ARK2N: variants seen among roughly 807,000 people sequenced by gnomAD.
ARK2N encodes the protein arkadia (RNF111) N-terminal like PKA signaling regulator 2N, also known as protein ARK2N.
the ARK2N span, chr18:46,218,726 G>A: frequency 6.6e-6 from 1 of 152,196 alleles, no homozygotes; most frequent in Non-Finnish European, 1.5e-5. Context: ...AAGAGAGGAG[G>A]CACGTTCAAC....
At chr18:46,194,597 C>T in the ARK2N span, among the ~76,000 whole-genome samples, 2,634 of 151,386 alleles carry the variant, frequency 0.017, 83 homozygotes, top group African/African-American at 0.06. Context: ...CCTCAGTCTC[C>T]TGAGTAGCTG....
chr18:46,190,519 G>A, the ARK2N span, among the ~76,000 whole-genome samples: 4 of 151,072 alleles, frequency 2.6e-5, no homozygotes, highest in African/African-American at 9.7e-5. Context: ...AACAATTACA[G>A]CTTTTCAAAA....
the ARK2N span, among the ~76,000 whole-genome samples, chr18:46,231,528 GA>G: frequency 7.1e-6 from 1 of 140,112 alleles, no homozygotes; most frequent in Non-Finnish European, 1.5e-5. Context: ...TTAAGCTTGA[GA>G]AAAAATGTCT....
chr18:46,179,241 C>T, the ARK2N span, among the ~76,000 whole-genome samples: 404 of 152,212 alleles, frequency 2.7e-3, 1 homozygote, highest in African/African-American at 9.2e-3. Flanking sequence ...CTGAGCCCAG[C>T]CCAGTGAATA....
At chr18:46,193,705 T>C in the ARK2N span, among the ~76,000 whole-genome samples, 1 of 151,448 alleles carries the variant, frequency 6.6e-6, no homozygotes, top group African/African-American at 2.4e-5. Context: ...TTCAAGCTAT[T>C]CTTGTGTCTC....
chr18:46,245,651 A>AT, the ARK2N span, among the ~76,000 whole-genome samples: 1 of 151,532 alleles, frequency 6.6e-6, no homozygotes, highest in African/African-American at 2.4e-5. Context: ...GTAGTGACTT[A>AT]TTTTTTTATT....
the ARK2N span, among the ~76,000 whole-genome samples, chr18:46,201,502 G>A: frequency 6.6e-6 from 1 of 152,004 alleles, no homozygotes; most frequent in Non-Finnish European, 1.5e-5. Context: ...CTAGGGTGAC[G>A]ATGCTTTCCT....
At chr18:46,191,122 G>C in the ARK2N span, among the ~76,000 whole-genome samples, 1 of 151,898 alleles carries the variant, frequency 6.6e-6, no homozygotes, top group African/African-American at 2.4e-5. Flanking sequence ...CCTCTCATGA[G>C]GGCAGAGTTG....
At chr18:46,211,823 T>G in the ARK2N span, among the ~76,000 whole-genome samples, 2,944 of 152,314 alleles carry the variant, frequency 0.019, 75 homozygotes, top group African/African-American at 0.06. Context: ...CTGTCAACAT[T>G]AACCCAGAGG....
At chr18:46,204,945 T>A in the ARK2N span, among the ~76,000 whole-genome samples, 1,378 of 151,802 alleles carry the variant, frequency 9.1e-3, 19 homozygotes, top group African/African-American at 0.031. Context: ...TTTTTTATTT[T>A]TTTTATTTTT....
chr18:46,221,502 G>A, the ARK2N span, among the ~76,000 whole-genome samples: 1 of 150,180 alleles, frequency 6.7e-6, no homozygotes, highest in Non-Finnish European at 1.5e-5. Context: ...GGATGTTGCA[G>A]TGAGCCGAGG....
the ARK2N span, among the ~76,000 whole-genome samples, chr18:46,224,621 GTTCTTA>G: frequency 0.017 from 2,653 of 152,254 alleles, 72 homozygotes; most frequent in African/African-American, 0.06. Flanking sequence ...AGCCACTCCA[GTTCTTA>G]TTGTTCAGCA....
At chr18:46,178,735 C>T in the ARK2N span, among the ~76,000 whole-genome samples, 1 of 152,008 alleles carries the variant, frequency 6.6e-6, no homozygotes, top group Non-Finnish European at 1.5e-5. Context: ...GGCAACATGG[C>T]AGAACCGTCT....
At chr18:46,231,741 T>G in the ARK2N span, 2 of 152,296 alleles carry the variant, frequency 1.3e-5, no homozygotes, top group South Asian at 2.1e-4. Flanking sequence ...TCTTTCTTTT[T>G]TTTTTTGTTT....
chr18:46,258,000 C>T, the ARK2N span, among the ~76,000 whole-genome samples: 5 of 151,450 alleles, frequency 3.3e-5, no homozygotes, highest in Admixed American at 2.0e-4. Flanking sequence ...GATTTCGGCT[C>T]ACTGCAACCT....
the ARK2N span, among the ~76,000 whole-genome samples, chr18:46,175,142 G>T: frequency 4.0e-4 from 38 of 94,478 alleles, no homozygotes; most frequent in Non-Finnish European, 6.9e-4. Flanking sequence ...GTCCCCGGCA[G>T]CCCCCATCAC....
the ARK2N span, among the ~76,000 whole-genome samples, chr18:46,202,694 A>G: frequency 1.3e-5 from 2 of 151,442 alleles, no homozygotes; most frequent in South Asian, 2.1e-4. Flanking sequence ...AGGCTGAAGG[A>G]GGAGAATCGC....
At chr18:46,178,722 C>T in the ARK2N span, among the ~76,000 whole-genome samples, 5 of 152,026 alleles carry the variant, frequency 3.3e-5, no homozygotes, top group African/African-American at 4.8e-5. Flanking sequence ...GGAGACCAGC[C>T]TGGGCAACAT....
At chr18:46,255,405 TTTTTCTTTTC>T in the ARK2N span, among the ~76,000 whole-genome samples, 47 of 148,940 alleles carry the variant, frequency 3.2e-4, no homozygotes, top group East Asian at 3.1e-3. Flanking sequence ...TTTCTTTTTC[TTTTTCTTTTC>T]TTTTCTTTTC....
Sources: allele counts gnomAD v4.1 joint callset (sites outside exome capture counted in the v4.1 genomes callset), GRCh38; gene constraint gnomAD v4.1.1; transcripts MANE v1.5; gene names NCBI Gene and HGNC (gene_info 2026-07-23, HGNC 2026-07-21).